The following CNTNAP2 variants were observed in gnomAD, a reference collection of about 807,000 sequenced individuals.
CNTNAP2 encodes the protein contactin-associated protein-like 2.
Under a neutral mutation model 155.2 loss-of-function variants are expected in CNTNAP2, and 98 were observed. The observed-to-expected ratio is 0.63, with a 90% CI of 0.54 to 0.75. The LOEUF is 0.75. Ranked by LOEUF, CNTNAP2 falls within the 30% of genes least tolerant of loss-of-function variation. The probability of loss-of-function intolerance (pLI) is 0.00; values close to 1 mark genes in which losing one functional copy is unlikely to be tolerated. For synonymous variants in CNTNAP2, 651 were observed against 631.2 expected (o/e 1.03, Z -0.47); for missense variants, 1,727 against 1,688.1 (o/e 1.02, Z -0.40).
At chr7:146,375,222 T>C (rs1795289089) in intron 1 of CNTNAP2, among the ~76,000 whole-genome samples, 1 of 152,244 alleles carries the variant, frequency 6.6e-6, no homozygotes, top group Non-Finnish European at 1.5e-5. Context: ...TTTCAACCAT[T>C]GCTTTTACTT....
chr7:147,284,551 G>A (rs1450693687), intron 8 of CNTNAP2, among the ~76,000 whole-genome samples: 1 of 151,580 alleles, frequency 6.6e-6, no homozygotes, highest in East Asian at 1.9e-4. Flanking sequence ...TTTATGCTAG[G>A]ATAAAAATAT....
chr7:148,400,732 A>C (rs1270879176), intron 22 of CNTNAP2, among the ~76,000 whole-genome samples: 4 of 152,218 alleles, frequency 2.6e-5, no homozygotes, highest in Admixed American at 6.5e-5. Flanking sequence ...CTGTAATCCA[A>C]GCACTTTGGG....
In CNTNAP2 at chr7:148,147,663, AAC is replaced by A; in HGVS notation, c.2729_2730del (p.Thr910ArgfsTer38). 1 of 1,614,110 alleles carries A rather than the reference AAC, an allele frequency of 6.2e-7. No individual in the cohort carries two copies. The highest frequency in any genetic ancestry group is 8.5e-7 in the Non-Finnish European group (1 of 1,180,024). ...RLPQQIRKAP[T>X]EGHTRLELYS... ...TACCGCAGCAGATCCGCAAGGCCCC[AAC>A]AGAAGGCCACACCCGCCTGGAGCTC... On this transcript the variant is annotated frameshift_variant, in exon 17 of 24. Coordinates refer to ENST00000361727, the MANE Select transcript of CNTNAP2 (RefSeq NM_014141.6). LOFTEE classifies it high-confidence loss of function.
chr7:146,811,023 T>C (rs1220674589), intron 2 of CNTNAP2, among the ~76,000 whole-genome samples: 1 of 152,130 alleles, frequency 6.6e-6, no homozygotes, highest in East Asian at 1.9e-4. Context: ...ATGAACTGTT[T>C]AGTTCACTTT....
intron 2 of CNTNAP2, among the ~76,000 whole-genome samples, chr7:146,797,044 G>C (rs2129190547): frequency 6.6e-6 from 1 of 152,244 alleles, no homozygotes; most frequent in East Asian, 1.9e-4. Context: ...GCTGAGGCAG[G>C]AGAATGGTGT....
chr7:147,405,490 G>A (rs1350434260), intron 10 of CNTNAP2, among the ~76,000 whole-genome samples: 2 of 152,106 alleles, frequency 1.3e-5, no homozygotes, highest in Non-Finnish European at 2.9e-5. Flanking sequence ...CTTAATGAAG[G>A]GGAAGTTGGA....
intron 10 of CNTNAP2, among the ~76,000 whole-genome samples, chr7:147,454,856 C>G (rs947479594): frequency 6.6e-6 from 1 of 152,006 alleles, no homozygotes; most frequent in African/African-American, 2.4e-5. Flanking sequence ...GAGATCCCGA[C>G]GACCTTTAAT....
At chr7:147,342,380 T>G (rs951151537) in intron 9 of CNTNAP2, among the ~76,000 whole-genome samples, 1 of 152,190 alleles carries the variant, frequency 6.6e-6, no homozygotes, top group Non-Finnish European at 1.5e-5. Context: ...TATAAAAACA[T>G]TTGCTTATGA....
chr7:146,897,029 C>G (rs1327729500), intron 3 of CNTNAP2, among the ~76,000 whole-genome samples: 1 of 152,032 alleles, frequency 6.6e-6, no homozygotes, highest in Non-Finnish European at 1.5e-5. Flanking sequence ...AACCGTATTT[C>G]TCTGCATATT....
chr7:147,313,129 T>C (rs1012102790), intron 9 of CNTNAP2, among the ~76,000 whole-genome samples: 1 of 145,484 alleles, frequency 6.9e-6, no homozygotes, highest in African/African-American at 2.6e-5. Flanking sequence ...TTCTTGTAAA[T>C]TTGTTTGAGT....
intron 13 of CNTNAP2, among the ~76,000 whole-genome samples, chr7:147,644,466 C>G (rs2116932251): frequency 6.6e-6 from 1 of 152,176 alleles, no homozygotes; most frequent in Non-Finnish European, 1.5e-5. Context: ...ACTAAAAATA[C>G]AGAAAATTAG....
intron 23 of CNTNAP2, among the ~76,000 whole-genome samples, chr7:148,413,384 C>G: frequency 2.1e-5 from 1 of 47,000 alleles, no homozygotes; most frequent in Admixed American, 3.1e-4. Context: ...AAGAGTGAAA[C>G]TCCGTCTCAA....
chr7:146,915,324 A>T (rs1007293767), intron 3 of CNTNAP2, among the ~76,000 whole-genome samples: 4 of 151,998 alleles, frequency 2.6e-5, no homozygotes, highest in African/African-American at 9.7e-5. Flanking sequence ...TAAATTTTAG[A>T]ACTTTTTCTT....
At chr7:147,261,465 T>G (rs972483333) in intron 8 of CNTNAP2, among the ~76,000 whole-genome samples, 1 of 152,134 alleles carries the variant, frequency 6.6e-6, no homozygotes, top group Admixed American at 6.5e-5. Context: ...TACAATTCTA[T>G]GTTGTTCAGC....
intron 14 of CNTNAP2, among the ~76,000 whole-genome samples, chr7:147,937,375 G>T (rs1800630008): frequency 6.6e-6 from 1 of 152,084 alleles, no homozygotes; most frequent in African/African-American, 2.4e-5. Context: ...TACAGTGGTT[G>T]CCCATGGTTT....
chr7:147,154,759 C>T (rs1801890579), intron 8 of CNTNAP2, among the ~76,000 whole-genome samples: 1 of 151,740 alleles, frequency 6.6e-6, no homozygotes, highest in Non-Finnish European at 1.5e-5. Flanking sequence ...TCCTTGTCTC[C>T]AAGAAGGTTT....
intron 1 of CNTNAP2, among the ~76,000 whole-genome samples, chr7:146,373,822 C>T (rs374844917): frequency 1.6e-4 from 25 of 152,180 alleles, no homozygotes; most frequent in African/African-American, 4.8e-4. Flanking sequence ...GTCATATACA[C>T]GTTATCTGGA....
chr7:146,927,633 G>C lies in CNTNAP2; in HGVS notation c.402+87729G>C, dbSNP rs56026083. On this transcript the variant is annotated intron_variant, in intron 3 of 23. Transcript: ENST00000361727. ...AGCATGCATGCACTGCCTTTTTTTC[G>C]TTAAGGTAACACATTTCTATGACAT... Among the ~76,000 whole-genome samples the C allele has an allele frequency of 4.6e-5, 7 of 150,556 alleles. No homozygotes were observed. The South Asian group carries it at 1.5e-3, about 31-fold the overall frequency.
chr7:147,806,538 A>G (rs1161832606), intron 13 of CNTNAP2, among the ~76,000 whole-genome samples: 1 of 152,206 alleles, frequency 6.6e-6, no homozygotes, highest in Non-Finnish European at 1.5e-5. Flanking sequence ...TCAAAAAGGT[A>G]TCTGCACTCC....
Sources: gnomAD v4.1 joint callset for allele counts (sites outside exome capture counted in the v4.1 genomes callset) on GRCh38, gnomAD v4.1.1 for gene constraint, MANE v1.5 for transcripts, NCBI Gene and HGNC (gene_info 2026-07-23, HGNC 2026-07-21) for gene names.